The following SIGLEC8 variants were observed in gnomAD, a reference collection of about 807,000 sequenced individuals.
The protein encoded by SIGLEC8 is sialic acid binding Ig like lectin 8, also known as sialic acid-binding Ig-like lectin 8.
A neutral mutation model predicts 42.1 loss-of-function variants in SIGLEC8; 32 were observed. That is an observed-to-expected ratio of 0.76 (90% CI 0.57 to 1.02). The LOEUF is 1.02. Among genes scored for constraint, SIGLEC8 ranks in the 50% least tolerant of loss-of-function variants. The probability of loss-of-function intolerance (pLI) is 0.00; values close to 1 mark genes in which losing one functional copy is unlikely to be tolerated. For synonymous variants in SIGLEC8, 262 were observed against 260.3 expected (o/e 1.01, Z -0.06); for missense variants, 611 against 610.2 (o/e 1.00, Z -0.01).
At position 51,452,403 on chromosome 19, in the gene SIGLEC8, G is replaced by T; in HGVS notation, c.1476C>A (p.Pro492=). The T allele has an allele frequency of 3.7e-6, 6 of 1,604,860 alleles. No homozygotes were observed. The highest frequency in any genetic ancestry group is 5.1e-6 in the Non-Finnish European group (6 of 1,172,238). The change falls in exon 7 of 7, where the codon CCC becomes CCA. Residue 492 remains proline (P), a synonymous_variant. Coordinates refer to ENST00000321424, the MANE Select transcript of SIGLEC8 (RefSeq NM_014442.3). ...ETQACLRNHN[P]SSKEVRG is the part of the protein sequence containing the mutation. Reference sequence around the variant, plus strand: ...ATCAGCCTCTGACTTCTTTGCTGGAGGGGTTGTGATTCCTCAAACAGGCCT... The same window carrying T: ...ATCAGCCTCTGACTTCTTTGCTGGATGGGTTGTGATTCCTCAAACAGGCCT...
Position 51,452,210 on chromosome 19 carries a change from AGAGAGGTC to A in SIGLEC8, c.*161_*168del, listed in dbSNP as rs1989379074. ...TGTGGAATCTAAAATAGTCAACCTC[AGAGAGGTC>A]GAGAGGAGAATGGTGGGTAGTAGAA... On this transcript the variant is annotated 3_prime_UTR_variant, in exon 7 of 7. Coordinates refer to ENST00000321424, the MANE Select transcript of SIGLEC8 (RefSeq NM_014442.3). 1.9e-6 allele frequency: 1 copy of A among 519,762 alleles called. No homozygotes were observed. The highest frequency in any genetic ancestry group is 3.4e-6 in the Non-Finnish European group (1 of 291,402). 32.2% of individuals were successfully genotyped at this position (519,762 alleles called of 1,614,324 possible).
chr19:51,451,529 C>G lies in SIGLEC8; in HGVS notation c.*850G>C, dbSNP rs538366037. ...AAACTTATGGCTAAGGGGTGCCCAG[C>G]CTGCTGATTGCTTGACTCAGTGCTA... is the stretch of plus-strand genomic sequence containing the variant. On this transcript the variant is annotated 3_prime_UTR_variant, in exon 7 of 7. Transcript: ENST00000321424. The G allele has an allele frequency of 2.0e-5, 3 of 152,232 alleles. No individual in the cohort carries two copies. The East Asian group carries it at 5.8e-4, about 29-fold the overall frequency. The allele number at this position is 152,232 out of a possible 1,614,324, so 9.4% of individuals were successfully genotyped here. A position where few individuals can be genotyped will look rare whatever the true frequency, so the allele number is the denominator to read the frequency against.
chr19:51,454,045 G>A lies in SIGLEC8; in HGVS notation c.1245+174C>T. ...GTGCCTGGCCTGGGAAAAATTGGGGGTAGGGACTGCCATGCTGTCAGCAAG... is the reference window on the plus strand; with the variant it reads ...GTGCCTGGCCTGGGAAAAATTGGGGATAGGGACTGCCATGCTGTCAGCAAG... On this transcript the variant is annotated intron_variant, in intron 6 of 6. Transcript: ENST00000321424. The surrounding 1 kb of genome is among the most constrained non-coding windows in gnomAD (Gnocchi z 4.7). The A allele has an allele frequency of 1.0e-6, 1 of 985,332 alleles. No homozygotes were observed. The highest frequency in any genetic ancestry group is 1.2e-6 in the Non-Finnish European group (1 of 829,914). 61.0% of individuals were successfully genotyped at this position (985,332 alleles called of 1,614,324 possible).
chr19:51,453,315 C>G (rs1250537807), intron 6 of SIGLEC8: 1 of 888,026 alleles, frequency 1.1e-6, no homozygotes, highest in Non-Finnish European at 1.3e-6. Context: ...GTCTCAAACT[C>G]CTGGGCTCAA....
Position 51,452,347 on chromosome 19 carries a change from T to C in SIGLEC8, c.*32A>G. On this transcript the variant is annotated 3_prime_UTR_variant, in exon 7 of 7. Coordinates refer to ENST00000321424, the MANE Select transcript of SIGLEC8 (RefSeq NM_014442.3). ...AGCCCTGGTGACCTACTGCATAGCATGGGGCTCTAGAGGGTTCTTGTTCTA... is the reference window on the plus strand; with the variant it reads ...AGCCCTGGTGACCTACTGCATAGCACGGGGCTCTAGAGGGTTCTTGTTCTA... The C allele has an allele frequency of 1.3e-6, 2 of 1,555,152 alleles. No individual in the cohort carries two copies. Among genetic ancestry groups the C allele is most frequent in the Non-Finnish European group, 8.8e-7 (1 of 1,138,332 alleles).
At chr19:51,453,784 C>T in intron 6 of SIGLEC8, 1 of 984,940 alleles carries the variant, frequency 1.0e-6, no homozygotes, top group Admixed American at 6.2e-5. Context: ...AATTACAGGG[C>T]CTTAATTGAG....
At chr19:51,457,879 C>A in intron 1 of SIGLEC8, 55 bp downstream of exon 1, 3 of 1,585,694 alleles carry the variant, frequency 1.9e-6, no homozygotes, top group Non-Finnish European at 2.6e-6. Context: ...CCCAGCCCTG[C>A]CTTTCAGCCC....
intron 6 of SIGLEC8, chr19:51,453,493 C>T (rs369405277): frequency 4.7e-6 from 3 of 639,428 alleles, no homozygotes; most frequent in Admixed American, 6.3e-5. Flanking sequence ...GTCAGGAGTT[C>T]GAGACCAGCT....
chr19:51,452,376 G>T lies in SIGLEC8; in HGVS notation c.*3C>A. ...GCTCTAGAGGGTTCTTGTTCTATGA[G>T]AATCAGCCTCTGACTTCTTTGCTGG... On this transcript the variant is annotated 3_prime_UTR_variant, in exon 7 of 7. Coordinates refer to ENST00000321424, the MANE Select transcript of SIGLEC8 (RefSeq NM_014442.3). 6.3e-7 allele frequency: 1 copy of T among 1,593,450 alleles called. No individual in the cohort carries two copies. Among genetic ancestry groups the T allele is most frequent in the Non-Finnish European group, 8.6e-7 (1 of 1,163,126 alleles).
chr19:51,452,482 GTGGCCTCC>G lies in SIGLEC8; in HGVS notation c.1389_1396del (p.Gln463HisfsTer2). The G allele has an allele frequency of 6.2e-7, 1 of 1,612,478 alleles. No individual in the cohort carries two copies. Among genetic ancestry groups the G allele is most frequent in the Non-Finnish European group, 8.5e-7 (1 of 1,178,600 alleles). Reference sequence around the variant, plus strand: ...CTTGATCTCCGAGTATTCACTGTCAGTGGCCTCCTGTCCCTGCGGGTCCTGAGGCTTCA... The same window carrying G: ...CTTGATCTCCGAGTATTCACTGTCAGTGTCCCTGCGGGTCCTGAGGCTTCA... On this transcript the variant is annotated frameshift_variant, in exon 7 of 7. Coordinates refer to ENST00000321424, the MANE Select transcript of SIGLEC8 (RefSeq NM_014442.3). LOFTEE classifies it low-confidence loss of function (END_TRUNC).
In SIGLEC8 at chr19:51,454,634, G is replaced by C. The variant is rs766239811; in HGVS notation, c.1148+50C>G. On this transcript the variant is annotated intron_variant, in intron 5 of 6. Transcript: ENST00000321424. The surrounding 1 kb of genome is among the most constrained non-coding windows in gnomAD (Gnocchi z 4.7). Reference sequence around the variant, plus strand: ...CTCTGGCTTCAGGGATTCTGTTCCCGGTCTGCCCTGCCCCAGGTCTCTCTC... The same window carrying C: ...CTCTGGCTTCAGGGATTCTGTTCCCCGTCTGCCCTGCCCCAGGTCTCTCTC... 5 of 1,466,128 alleles carry C rather than the reference G, an allele frequency of 3.4e-6. No individual in the cohort carries two copies. In the African/African-American group the frequency reaches 4.2e-5, roughly 12 times the overall value. The allele number at this position is 1,466,128 out of a possible 1,614,324, so 90.8% of individuals were successfully genotyped here.
At position 51,454,760 on chromosome 19, in the gene SIGLEC8, G is replaced by A; in HGVS notation, c.1072C>T (p.Gln358Ter). The A allele has an allele frequency of 3.1e-6, 5 of 1,613,806 alleles. No individual in the cohort carries two copies. Among genetic ancestry groups the A allele is most frequent in the South Asian group, 1.1e-5 (1 of 91,078 alleles). ...EGTGTSRPVSQVTLAAVGGAG... is the reference protein window; with the variant it reads ...EGTGTSRPVS ...CCCCCGACTGCTGCCAGTGTCACTT[G>A]TGATACAGGTCTTGAGGTGCCTGCA... The change falls in exon 5 of 7, where the codon CAA becomes TAA. Residue 358 changes from glutamine to a stop codon, truncating the protein, a stop_gained. Transcript: ENST00000321424. LOFTEE classifies it high-confidence loss of function. The surrounding 1 kb of genome is among the most constrained non-coding windows in gnomAD (Gnocchi z 4.7).
In SIGLEC8 at chr19:51,456,303, G is replaced by C. The variant is rs192714359; in HGVS notation, c.782-616C>G. ...AGGAAGGACACAGAAAGAGACTAGT[G>C]AGAGGGACTGACACACAGACATAGA... On this transcript the variant is annotated intron_variant, in intron 3 of 6. Coordinates refer to ENST00000321424, the MANE Select transcript of SIGLEC8 (RefSeq NM_014442.3). Among the ~76,000 whole-genome samples the C allele has an allele frequency of 9.4e-4, 143 of 152,304 alleles. 3 individuals are homozygous for C. The East Asian group carries it at 0.023, about 24-fold the overall frequency.
At position 51,458,135 on chromosome 19, in the gene SIGLEC8, C is replaced by T; in HGVS notation, c.253G>A (p.Asp85Asn). The T allele has an allele frequency of 1.2e-6, 2 of 1,614,150 alleles. No homozygotes were observed. The highest frequency in any genetic ancestry group is 1.7e-6 in the Non-Finnish European group (2 of 1,180,030). Residue 85 changes from aspartate (D) to asparagine (N), a missense_variant, in exon 1 of 7, where the codon GAC (aspartate) becomes AAC (asparagine). By Grantham distance (23) the Asp-to-Asn change is conservative. Coordinates refer to ENST00000321424, the MANE Select transcript of SIGLEC8 (RefSeq NM_014442.3). ...TGGGTCTCTGCCTGCACTTCTCTGT[C>T]TGGGTTGTTTGTGGCCACTGGAGCG... ...QDAPVATNNPDREVQAETQGR... is the reference protein window; with the variant it reads ...QDAPVATNNPNREVQAETQGR...
At chr19:51,455,248 C>T (rs1036656138) in intron 4 of SIGLEC8, among the ~76,000 whole-genome samples, 170 bp downstream of exon 4, 5 of 152,196 alleles carry the variant, frequency 3.3e-5, no homozygotes, top group African/African-American at 1.2e-4. Context: ...CCACCCCGCA[C>T]CCCTTTCCTG....
At chr19:51,453,508 G>A (rs1004633126) in intron 6 of SIGLEC8, 10 of 532,196 alleles carry the variant, frequency 1.9e-5, no homozygotes, top group Admixed American at 1.3e-4. Flanking sequence ...CCAGCTGGCC[G>A]ACATGGTGAA....
At position 51,454,180 on chromosome 19, in the gene SIGLEC8, A is replaced by C. The variant is rs1443567776; in HGVS notation, c.1245+39T>G. On this transcript the variant is annotated intron_variant, in intron 6 of 6. Transcript: ENST00000321424. The surrounding 1 kb of genome is among the most constrained non-coding windows in gnomAD (Gnocchi z 4.7). The stretch of plus-strand genomic sequence containing the variant: ...GGGGGCCATCCTGTCAGAGGTGTCC[A>C]GGCTGGATGCTCGGTGTGGAGAAGC... 6.2e-7 allele frequency: 1 copy of C among 1,613,266 alleles called. No individual in the cohort carries two copies. The highest frequency in any genetic ancestry group is 1.3e-5 in the African/African-American group (1 of 74,878).
chr19:51,452,629 G>T lies in SIGLEC8; in HGVS notation c.1250C>A (p.Pro417His), dbSNP rs1219661145. ...GCCATCTTTCCAGGATTCAGTCAGG[G>T]GTCCCTGGACAGAGAGAGAGAAGGG... ...KAIRGSASQG[P>H]LTESWKDGNP... Residue 417 changes from proline (P) to histidine (H), a missense_variant, in exon 7 of 7, where the codon CCC becomes CAC. By Grantham distance (77) the Pro-to-His change is moderately conservative. Coordinates refer to ENST00000321424, the MANE Select transcript of SIGLEC8 (RefSeq NM_014442.3). The T allele has an allele frequency of 2.0e-6, 3 of 1,532,752 alleles. No homozygotes were observed. In the African/African-American group the frequency reaches 4.1e-5, roughly 21 times the overall value. The allele number at this position is 1,532,752 out of a possible 1,614,324, so 94.9% of individuals were successfully genotyped here.
At position 51,452,579 on chromosome 19, in the gene SIGLEC8, C is replaced by G; in HGVS notation, c.1300G>C (p.Ala434Pro). ...DGNPLKKPPP[A>P]VAPSSGEEGE... ...TCCTCCCCTGACGAGGGGGCAACAG[C>G]TGGGGGAGGCTTCTTCAGGGGGTTG... The change falls in exon 7 of 7, where the codon GCT becomes CCT. Residue 434 changes from alanine to proline, a missense_variant. By Grantham distance (27) the Ala-to-Pro change is conservative. Coordinates refer to ENST00000321424, the MANE Select transcript of SIGLEC8 (RefSeq NM_014442.3). The G allele has an allele frequency of 6.3e-7, 1 of 1,576,458 alleles. No individual in the cohort carries two copies.
Sources: allele counts gnomAD v4.1 joint callset (sites outside exome capture counted in the v4.1 genomes callset), GRCh38; gene constraint gnomAD v4.1.1; non-coding constraint Gnocchi (gnomAD v3.1); transcripts MANE v1.5; gene names NCBI Gene and HGNC (gene_info 2026-07-23, HGNC 2026-07-21).